CNOT6L: variants seen among roughly 807,000 people sequenced by gnomAD.
CNOT6L encodes the protein CCR4-NOT transcription complex subunit 6 like.
A neutral mutation model predicts 64.0 loss-of-function variants in CNOT6L; 7 were observed. The ratio of observed to expected loss-of-function variants is 0.11; its 90% CI spans 0.06 to 0.21. The LOEUF (loss-of-function observed/expected upper bound fraction) is 0.21, where lower values mean the gene tolerates loss of function less well. Among genes scored for constraint, CNOT6L ranks in the 10% least tolerant of loss-of-function variants. The probability of loss-of-function intolerance (pLI) is 1.00; values close to 1 mark genes in which losing one functional copy is unlikely to be tolerated. For missense variants in CNOT6L, 245 were observed against 669.0 expected (o/e 0.37, Z 6.99); for synonymous variants, 193 against 243.4 (o/e 0.79, Z 1.93).
chr4:77,791,409 G>A (rs1163878429), intron 1 of CNOT6L, among the ~76,000 whole-genome samples: 1 of 151,754 alleles, frequency 6.6e-6, no homozygotes, highest in Admixed American at 6.6e-5. Context: ...TAACAAATGT[G>A]TACGGTTAAA....
intron 8 of CNOT6L, 67 bp from the exon 9 acceptor site, chr4:77,731,605 A>T: frequency 8.5e-7 from 1 of 1,174,126 alleles, no homozygotes; most frequent in South Asian, 1.6e-5. Flanking sequence ...AAATGAAAGA[A>T]ACATGACATG....
chr4:77,785,629 G>A (rs144942537), intron 1 of CNOT6L, among the ~76,000 whole-genome samples: 106 of 152,022 alleles, frequency 7.0e-4, no homozygotes, highest in Middle Eastern at 3.4e-3. Context: ...GAAGATACAC[G>A]GATAGCAAAT....
chr4:77,739,181 G>A (rs1235395109), intron 8 of CNOT6L, among the ~76,000 whole-genome samples: 1 of 152,034 alleles, frequency 6.6e-6, no homozygotes, highest in Non-Finnish European at 1.5e-5. Flanking sequence ...GCTATAAATG[G>A]CAATTATGAT....
Position 77,748,918 on chromosome 4 carries a change from A to C in CNOT6L, c.491-534T>G, listed in dbSNP as rs142430359. 9.9e-3 allele frequency among the ~76,000 whole-genome samples: 1,513 copies of C among 152,308 alleles called. 25 individuals carry two copies. The highest frequency in any genetic ancestry group is 0.034 in the African/African-American group (1,399 of 41,586). On this transcript the variant is annotated intron_variant, in intron 5 of 11. Transcript: ENST00000504123. ...CACATTATGCAGAAAAAAGGTAGGC[A>C]CTTGTTAGACATTAATTGCTCAGAT...
intron 1 of CNOT6L, among the ~76,000 whole-genome samples, chr4:77,786,483 A>T (rs564415347): frequency 3.5e-4 from 53 of 151,718 alleles, no homozygotes; most frequent in Admixed American, 5.9e-4. Flanking sequence ...TTAAAAAAAA[A>T]TTTTTTTTGA....
chr4:77,789,945 CAAAAAAAAAAAAAAAAAA>C (rs58242121), intron 1 of CNOT6L, among the ~76,000 whole-genome samples: 1 of 83,308 alleles, frequency 1.2e-5, no homozygotes, highest in South Asian at 4.3e-4. Context: ...GACACTGTCT[CAAAAAAAAAAAAAAAAAA>C]AAAAAAAAAA....
At chr4:77,729,279 T>C (rs1303317463) in intron 9 of CNOT6L, among the ~76,000 whole-genome samples, 198 bp from the exon 10 acceptor site, 1 of 152,236 alleles carries the variant, frequency 6.6e-6, no homozygotes, top group East Asian at 1.9e-4. Flanking sequence ...TGGGAATTAC[T>C]CTCCTAGATC....
chr4:77,803,510 T>C (rs562787488), intron 1 of CNOT6L, among the ~76,000 whole-genome samples: 1 of 152,302 alleles, frequency 6.6e-6, no homozygotes, highest in African/African-American at 2.4e-5. Flanking sequence ...TTTCACTGCA[T>C]TAGTGTTGAT....
At chr4:77,793,212 A>C (rs1730367395) in intron 1 of CNOT6L, among the ~76,000 whole-genome samples, 1 of 152,140 alleles carries the variant, frequency 6.6e-6, no homozygotes, top group African/African-American at 2.4e-5. Flanking sequence ...TTTATTTCCA[A>C]ATTCTTCGTA....
At position 77,747,296 on chromosome 4, in the gene CNOT6L, A is replaced by T. The variant is rs142689334; in HGVS notation, c.559+1020T>A. Among the ~76,000 whole-genome samples, 584 of 152,218 alleles carry T rather than the reference A, an allele frequency of 3.8e-3. 4 individuals carry two copies. The highest frequency in any genetic ancestry group is 0.013 in the African/African-American group (558 of 41,520). On this transcript the variant is annotated intron_variant, in intron 6 of 11. Transcript: ENST00000504123. ...ATTCTCGTGCCTCAGCCTCCTAAGT[A>T]GCTGGGATTACAGGAGTGCGCTACC... is the stretch of plus-strand genomic sequence containing the variant.
chr4:77,791,940 G>T (rs1467675134), intron 1 of CNOT6L, among the ~76,000 whole-genome samples: 1 of 151,842 alleles, frequency 6.6e-6, no homozygotes, highest in African/African-American at 2.4e-5. Flanking sequence ...ATATTCAAAA[G>T]CATGTTTAAA....
chr4:77,819,485 C>A (rs1734054003), upstream of CNOT6L: 1 of 1,345,842 alleles, frequency 7.4e-7, no homozygotes, highest in Non-Finnish European at 1.0e-6. Flanking sequence ...CCGCCCGCCC[C>A]GAGGGGAAGC....
chr4:77,756,548 T>C (rs947869287), intron 5 of CNOT6L, among the ~76,000 whole-genome samples: 2 of 152,232 alleles, frequency 1.3e-5, no homozygotes, highest in African/African-American at 4.8e-5. Flanking sequence ...GCTCTGGCAC[T>C]GATTAGCTAT....
At chr4:77,751,186 A>T (rs1724821696) in intron 5 of CNOT6L, among the ~76,000 whole-genome samples, 1 of 152,204 alleles carries the variant, frequency 6.6e-6, no homozygotes, top group African/African-American at 2.4e-5. Flanking sequence ...CAGCAAATAC[A>T]GAGAAATTAT....
chr4:77,768,888 T>C (rs976046722), intron 4 of CNOT6L, among the ~76,000 whole-genome samples: 3 of 152,124 alleles, frequency 2.0e-5, no homozygotes, highest in African/African-American at 7.2e-5. Flanking sequence ...ATTATGGTAT[T>C]GCCTAAAAAA....
At chr4:77,763,562 G>A (rs932065737) in intron 4 of CNOT6L, among the ~76,000 whole-genome samples, 5 of 151,960 alleles carry the variant, frequency 3.3e-5, no homozygotes, top group Non-Finnish European at 5.9e-5. Context: ...CCATTTTAAT[G>A]GAAATTTTAA....
intron 4 of CNOT6L, among the ~76,000 whole-genome samples, chr4:77,759,252 CAA>C (rs1489803774): frequency 6.6e-6 from 1 of 151,364 alleles, no homozygotes; most frequent in Non-Finnish European, 1.5e-5. Context: ...TAGAAAATGA[CAA>C]ACAGAAGACT....
chr4:77,793,946 T>A (rs992555455), intron 1 of CNOT6L, among the ~76,000 whole-genome samples: 1 of 150,690 alleles, frequency 6.6e-6, no homozygotes, highest in Non-Finnish European at 1.5e-5. Context: ...AGGTCAGGGG[T>A]TCGAGACCAG....
At position 77,799,787 on chromosome 4, in the gene CNOT6L, T is replaced by C. The variant is rs1336300864; in HGVS notation, c.5+19517A>G. On this transcript the variant is annotated intron_variant, in intron 1 of 11. Coordinates refer to ENST00000504123, the MANE Select transcript of CNOT6L (RefSeq NM_144571.3). ...ACCTGTAAAAGGATCACATATCATC[T>C]ATTATAAGCCAAGTGTATGAGAGCT... 2.6e-5 allele frequency among the ~76,000 whole-genome samples: 4 copies of C among 151,706 alleles called. No homozygotes were observed. The South Asian group carries it at 6.3e-4, about 24-fold the overall frequency.
Sources: gnomAD v4.1 joint callset for allele counts (sites outside exome capture counted in the v4.1 genomes callset) on GRCh38, gnomAD v4.1.1 for gene constraint, MANE v1.5 for transcripts, NCBI Gene and HGNC (gene_info 2026-07-23, HGNC 2026-07-21) for gene names.